Variants in DRC11 observed in about 807,000 individuals in gnomAD.
The protein encoded by DRC11 is IQ and AAA domain-containing protein 1.
chr2:236,426,099 T>C, the DRC11 span, among the ~76,000 whole-genome samples: 1 of 152,060 alleles, frequency 6.6e-6, no homozygotes, highest in Admixed American at 6.5e-5. The surrounding 1 kb of genome is among the most constrained non-coding windows in gnomAD (Gnocchi z 4.1). Context: ...TAGCTCAAGA[T>C]TTCATTGGAT....
At chr2:236,361,231 T>C in the DRC11 span, among the ~76,000 whole-genome samples, 1 of 151,836 alleles carries the variant, frequency 6.6e-6, no homozygotes, top group Non-Finnish European at 1.5e-5. The surrounding 1 kb of genome is among the most constrained non-coding windows in gnomAD (Gnocchi z 5.7). Context: ...AAGCAAAAGA[T>C]AAGAAGATCA....
the DRC11 span, among the ~76,000 whole-genome samples, chr2:236,482,853 T>A: frequency 6.6e-6 from 1 of 152,226 alleles, no homozygotes; most frequent in African/African-American, 2.4e-5. The surrounding 1 kb of genome is among the most constrained non-coding windows in gnomAD (Gnocchi z 4.5). Context: ...ACCATTTCAA[T>A]GTGCGAGTGA....
the DRC11 span, chr2:236,408,051 G>T: frequency 3.4e-6 from 2 of 583,352 alleles, no homozygotes; most frequent in Non-Finnish European, 6.6e-6. The surrounding 1 kb of genome is among the most constrained non-coding windows in gnomAD (Gnocchi z 5.5). Flanking sequence ...CTCACTTCTT[G>T]GTTCCCACCA....
the DRC11 span, among the ~76,000 whole-genome samples, chr2:236,475,998 G>A: frequency 6.6e-6 from 1 of 152,156 alleles, no homozygotes; most frequent in Non-Finnish European, 1.5e-5. This position sits in a 1 kb window ranked among gnomAD's most constrained non-coding sequence, Gnocchi z 4.8. Context: ...TTGAAGTCAG[G>A]TGGTGTATGT....
chr2:236,320,843 C>A, the DRC11 span, among the ~76,000 whole-genome samples: 1 of 150,732 alleles, frequency 6.6e-6, no homozygotes, highest in African/African-American at 2.4e-5. Context: ...TACCCCCCCG[C>A]CCCCCGCCAT....
chr2:236,481,886 C>T, the DRC11 span, among the ~76,000 whole-genome samples: 1 of 148,172 alleles, frequency 6.7e-6, no homozygotes, highest in Non-Finnish European at 1.5e-5. Context: ...TATAATTCTA[C>T]ATATTATATG....
the DRC11 span, among the ~76,000 whole-genome samples, chr2:236,382,361 C>T: frequency 6.6e-6 from 1 of 152,102 alleles, no homozygotes; most frequent in Non-Finnish European, 1.5e-5. Flanking sequence ...ATATGATAAG[C>T]CTTAAAATTG....
At chr2:236,407,392 C>G in the DRC11 span, among the ~76,000 whole-genome samples, 5 of 152,182 alleles carry the variant, frequency 3.3e-5, no homozygotes, top group Non-Finnish European at 5.9e-5. Context: ...AGTCCTCAGA[C>G]TTGGGCTGGA....
At chr2:236,422,066 A>C in the DRC11 span, among the ~76,000 whole-genome samples, 11 of 152,234 alleles carry the variant, frequency 7.2e-5, no homozygotes, top group Non-Finnish European at 1.3e-4. Context: ...TCAAAATAAT[A>C]AGAGCTATCT....
the DRC11 span, among the ~76,000 whole-genome samples, chr2:236,334,247 C>G: frequency 2.0e-5 from 3 of 152,182 alleles, no homozygotes; most frequent in Admixed American, 6.5e-5. The surrounding 1 kb of genome is among the most constrained non-coding windows in gnomAD (Gnocchi z 7.8). Flanking sequence ...ACACAATCAC[C>G]CACTCATGGT....
chr2:236,319,064 C>T, the DRC11 span, among the ~76,000 whole-genome samples: 1 of 152,128 alleles, frequency 6.6e-6, no homozygotes, highest in Admixed American at 6.5e-5. The surrounding 1 kb of genome is among the most constrained non-coding windows in gnomAD (Gnocchi z 6.7). Context: ...GGAGAAGGGC[C>T]CCAGCTTTTT....
the DRC11 span, among the ~76,000 whole-genome samples, chr2:236,436,166 T>G: frequency 6.6e-6 from 1 of 152,222 alleles, no homozygotes; most frequent in Non-Finnish European, 1.5e-5. Flanking sequence ...TTAAAAATTT[T>G]TCTTGTGTTA....
At chr2:236,490,636 C>T in the DRC11 span, among the ~76,000 whole-genome samples, 3 of 151,992 alleles carry the variant, frequency 2.0e-5, no homozygotes, top group Admixed American at 6.6e-5. The surrounding 1 kb of genome is among the most constrained non-coding windows in gnomAD (Gnocchi z 5.5). Context: ...TGAAAATAGT[C>T]GTGGCCATTA....
the DRC11 span, among the ~76,000 whole-genome samples, chr2:236,366,010 C>T: frequency 6.6e-6 from 1 of 152,244 alleles, no homozygotes; most frequent in East Asian, 1.9e-4. Flanking sequence ...AGGAAGTGCC[C>T]CTGCATCTTG....
the DRC11 span, among the ~76,000 whole-genome samples, chr2:236,347,398 A>G: frequency 6.6e-6 from 1 of 151,936 alleles, no homozygotes; most frequent in Non-Finnish European, 1.5e-5. Context: ...AAGATACAAA[A>G]ATGATTCTTG....
chr2:236,347,169 T>C, the DRC11 span, among the ~76,000 whole-genome samples: 5 of 152,194 alleles, frequency 3.3e-5, no homozygotes, highest in Non-Finnish European at 7.3e-5. Flanking sequence ...CACCCTTCGT[T>C]CTGCTGAATG....
the DRC11 span, among the ~76,000 whole-genome samples, chr2:236,441,700 G>T: frequency 1.3e-5 from 2 of 152,106 alleles, no homozygotes; most frequent in African/African-American, 4.8e-5. Flanking sequence ...ATTCTTAAAA[G>T]AAGTTGACTT....
chr2:236,463,756 A>C, the DRC11 span, among the ~76,000 whole-genome samples: 1 of 152,204 alleles, frequency 6.6e-6, no homozygotes, highest in Non-Finnish European at 1.5e-5. This position sits in a 1 kb window ranked among gnomAD's most constrained non-coding sequence, Gnocchi z 5.0. Context: ...GCTTGAAACA[A>C]CAAACACATA....
the DRC11 span, among the ~76,000 whole-genome samples, chr2:236,413,369 C>G: frequency 6.6e-6 from 1 of 152,168 alleles, no homozygotes; most frequent in African/African-American, 2.4e-5. The surrounding 1 kb of genome is among the most constrained non-coding windows in gnomAD (Gnocchi z 4.0). Flanking sequence ...TTTCCATCTT[C>G]TTCTCTTATT....
Sources: allele counts gnomAD v4.1 joint callset (sites outside exome capture counted in the v4.1 genomes callset), GRCh38; gene constraint gnomAD v4.1.1; non-coding constraint Gnocchi (gnomAD v3.1); transcripts MANE v1.5; gene names NCBI Gene and HGNC (gene_info 2026-07-23, HGNC 2026-07-21).